NDST4: variants seen among roughly 807,000 people sequenced by gnomAD.
NDST4 encodes N-heparan sulfate sulfotransferase 4.
A neutral mutation model predicts 100.8 loss-of-function variants in NDST4; 63 were observed. That is an observed-to-expected ratio of 0.62 (90% CI 0.51 to 0.77). The LOEUF is 0.77. NDST4 is among the 30% of genes least tolerant of loss of function. The pLI, the probability that NDST4 is intolerant of heterozygous loss-of-function variation, is 0.00. For missense variants in NDST4, 943 were observed against 1,018.4 expected (o/e 0.93, Z 1.01); for synonymous variants, 377 against 361.8 (o/e 1.04, Z -0.48).
chr4:114,948,375 C>A (rs916740311), intron 4 of NDST4, among the ~76,000 whole-genome samples: 2 of 148,848 alleles, frequency 1.3e-5, no homozygotes, highest in African/African-American at 2.5e-5. Context: ...TTTTGTGGAA[C>A]CTTTACTACC....
chr4:114,852,792 G>A lies in NDST4; in HGVS notation c.1749C>T (p.Asp583=). 6.2e-7 allele frequency: 1 copy of A among 1,612,478 alleles called. No homozygotes were observed. Among genetic ancestry groups the A allele is most frequent in the Non-Finnish European group, 8.5e-7 (1 of 1,179,074 alleles). The change falls in exon 8 of 14, where the codon GAC becomes GAT. Residue 583 remains aspartate, a synonymous_variant. Coordinates refer to ENST00000264363, the MANE Select transcript of NDST4 (RefSeq NM_022569.3). ...CACAAGTTTTCTCTCTGGACCAGAT[G>A]TCTTTGTGTCGTTTATCATCACATG... is the stretch of plus-strand genomic sequence containing the variant. ...QNPCDDKRHK[D]IWSREKTCDH...
At chr4:114,911,552 C>T (rs531876715) in intron 6 of NDST4, among the ~76,000 whole-genome samples, 153 of 152,176 alleles carry the variant, frequency 1.0e-3, no homozygotes, top group African/African-American at 3.6e-3. Context: ...GTACCTAGGG[C>T]CTACTTGGAA....
At chr4:115,095,674 C>G (rs955422502) in intron 1 of NDST4, among the ~76,000 whole-genome samples, 1 of 152,068 alleles carries the variant, frequency 6.6e-6, no homozygotes, top group African/African-American at 2.4e-5. Flanking sequence ...TTTTAGAAAA[C>G]TCTCATGCTT....
At chr4:114,992,010 ATTGT>A (rs1286670408) in intron 2 of NDST4, among the ~76,000 whole-genome samples, 3 of 151,902 alleles carry the variant, frequency 2.0e-5, no homozygotes, top group African/African-American at 4.8e-5. Flanking sequence ...TCTTCAATAC[ATTGT>A]TTATTACAGA....
At chr4:115,000,230 C>A (rs1727256295) in intron 2 of NDST4, among the ~76,000 whole-genome samples, 1 of 150,670 alleles carries the variant, frequency 6.6e-6, no homozygotes, top group East Asian at 1.9e-4. Context: ...ATGCTGGTTC[C>A]AAAGAATGAT....
chr4:115,079,954 A>T, intron 1 of NDST4, among the ~76,000 whole-genome samples: 1 of 152,302 alleles, frequency 6.6e-6, no homozygotes, highest in Middle Eastern at 3.4e-3. Flanking sequence ...AAAAATTTTC[A>T]TCAAATATTT....
intron 6 of NDST4, among the ~76,000 whole-genome samples, chr4:114,895,779 C>T (rs973519245): frequency 3.9e-5 from 6 of 151,988 alleles, no homozygotes; most frequent in African/African-American, 1.2e-4. Flanking sequence ...ATATAACTAA[C>T]CTGCACATTG....
At chr4:115,110,891 T>C (rs1729940077) in intron 1 of NDST4, among the ~76,000 whole-genome samples, 1 of 152,018 alleles carries the variant, frequency 6.6e-6, no homozygotes, top group South Asian at 2.1e-4. Context: ...TATCAATGAA[T>C]TTTAGCCCAG....
intron 2 of NDST4, among the ~76,000 whole-genome samples, chr4:115,005,694 G>A (rs1329194412): frequency 6.6e-6 from 1 of 152,104 alleles, no homozygotes; most frequent in Non-Finnish European, 1.5e-5. Context: ...GCATCCTAGA[G>A]GTGGTGACCA....
At chr4:114,971,449 A>T (rs1302507423) in intron 3 of NDST4, among the ~76,000 whole-genome samples, 1 of 152,130 alleles carries the variant, frequency 6.6e-6, no homozygotes, top group East Asian at 1.9e-4. Flanking sequence ...GCTATCCAAG[A>T]ATATCCACAA....
intron 2 of NDST4, among the ~76,000 whole-genome samples, chr4:115,031,197 G>C (rs1241944284): frequency 6.6e-6 from 1 of 152,042 alleles, no homozygotes; most frequent in Admixed American, 6.6e-5. Context: ...GAGAGAAAGG[G>C]GAGTGGTCTG....
chr4:115,003,858 A>C (rs1431160389), intron 2 of NDST4, among the ~76,000 whole-genome samples: 3 of 151,356 alleles, frequency 2.0e-5, no homozygotes, highest in African/African-American at 7.3e-5. Flanking sequence ...ACAGTGTAAG[A>C]CTCTGTCTCA....
intron 6 of NDST4, among the ~76,000 whole-genome samples, chr4:114,927,985 T>C (rs1029674553): frequency 2.0e-5 from 3 of 152,152 alleles, no homozygotes; most frequent in African/African-American, 7.2e-5. Flanking sequence ...CACTTCGCAC[T>C]AAAAACACAT....
chr4:114,936,742 T>C (rs1725637050), intron 5 of NDST4, among the ~76,000 whole-genome samples: 1 of 152,176 alleles, frequency 6.6e-6, no homozygotes, highest in Admixed American at 6.6e-5. Context: ...TATTTTTCAA[T>C]TACTATATCT....
intron 6 of NDST4, among the ~76,000 whole-genome samples, chr4:114,886,451 G>A (rs2126203919): frequency 6.6e-6 from 1 of 152,114 alleles, no homozygotes; most frequent in Admixed American, 6.6e-5. Context: ...GCTGTTTATT[G>A]TTCATCTGCA....
At chr4:115,089,633 C>T (rs1475319884) in intron 1 of NDST4, among the ~76,000 whole-genome samples, 1 of 151,902 alleles carries the variant, frequency 6.6e-6, no homozygotes, top group Non-Finnish European at 1.5e-5. Flanking sequence ...AAAAGCTTCT[C>T]TTTTCACAAT....
chr4:114,906,380 T>A (rs935330822), intron 6 of NDST4, among the ~76,000 whole-genome samples: 1 of 151,960 alleles, frequency 6.6e-6, no homozygotes, highest in African/African-American at 2.4e-5. Context: ...AGCGGCATTT[T>A]TTTTTGTTAT....
chr4:114,924,070 C>A (rs886992045), intron 6 of NDST4, among the ~76,000 whole-genome samples: 1 of 152,016 alleles, frequency 6.6e-6, no homozygotes, highest in African/African-American at 2.4e-5. Flanking sequence ...ATAAATCTCT[C>A]TCTTATTTCA....
chr4:114,967,596 G>A (rs1726411945), intron 4 of NDST4, among the ~76,000 whole-genome samples: 1 of 152,074 alleles, frequency 6.6e-6, no homozygotes, highest in South Asian at 2.1e-4. Flanking sequence ...GGAAGTTTAA[G>A]ACAGGTGATA....
Sources: allele counts gnomAD v4.1 joint callset (sites outside exome capture counted in the v4.1 genomes callset), GRCh38; gene constraint gnomAD v4.1.1; transcripts MANE v1.5; gene names NCBI Gene and HGNC (gene_info 2026-07-23, HGNC 2026-07-21).